The following VEGFB variants were observed in gnomAD, a reference collection of about 807,000 sequenced individuals.
VEGFB encodes vascular endothelial growth factor B.
VEGFB carries 24 observed loss-of-function variants against 22.5 expected under a neutral mutation model. The observed-to-expected ratio is 1.07, with a 90% CI of 0.77 to 1.50. VEGFB has a LOEUF of 1.50. Among genes scored for constraint, VEGFB ranks in the 40% most tolerant of loss-of-function variants. The probability of loss-of-function intolerance (pLI) is 0.00; values close to 1 mark genes in which losing one functional copy is unlikely to be tolerated. For synonymous variants in VEGFB, 141 were observed against 117.4 expected, an observed-to-expected ratio of 1.20 and a Z score of -1.30; for missense variants, 327 against 287.8, an observed-to-expected ratio of 1.14 and a Z score of -0.99.
At chr11:64,237,270 G>C in intron 5 of VEGFB, 48 bp downstream of exon 5, 1 of 1,567,126 alleles carries the variant, frequency 6.4e-7, no homozygotes, top group African/African-American at 1.3e-5. Context: ...GAGTACAAGT[G>C]AGTCCAGAAG....
intron 4 of VEGFB, 30 bp downstream of exon 4, chr11:64,236,357 C>G (rs772756427): frequency 3.1e-6 from 5 of 1,609,090 alleles, no homozygotes; most frequent in Non-Finnish European, 3.4e-6. Flanking sequence ...TCTGAGCTCG[C>G]AGAGGCCAGG....
Position 64,237,549 on chromosome 11 carries a change from C to T in VEGFB, c.540C>T (p.Pro180=). The T allele has an allele frequency of 6.2e-7, 1 of 1,605,612 alleles. No individual in the cohort carries two copies. Among genetic ancestry groups the T allele is most frequent in the Non-Finnish European group, 8.5e-7 (1 of 1,178,500 alleles). Residue 180 remains proline (P), a synonymous_variant, in exon 6 of 7, where the codon CCC becomes CCT. Coordinates refer to ENST00000309422, the MANE Select transcript of VEGFB (RefSeq NM_003377.5). ...CAGGCCCCTCTGCCCACGCTGCACCCAGCACCACCAGCGCCCTGACCCCCG... is the reference window on the plus strand; with the variant it reads ...CAGGCCCCTCTGCCCACGCTGCACCTAGCACCACCAGCGCCCTGACCCCCG... ...PAPGPSAHAA[P]STTSALTPGP...
chr11:64,235,485 G>A lies in VEGFB; in HGVS notation c.88G>A (p.Gly30Ser). The change falls in exon 2 of 7, where the codon GGC becomes AGC. Residue 30 changes from glycine to serine, a missense_variant. Transcript: ENST00000309422. ...CCCTGTCTCCCAGCCTGATGCCCCT[G>A]GCCACCAGAGGAAAGGTAATACTTA... is the stretch of plus-strand genomic sequence containing the variant. ...QAPVSQPDAP[G>S]HQRKVVSWID... is the part of the protein sequence containing the mutation. 1 of 1,613,882 alleles carries A rather than the reference G, an allele frequency of 6.2e-7. No individual in the cohort carries two copies. Among genetic ancestry groups the A allele is most frequent in the East Asian group, 2.2e-5 (1 of 44,886 alleles).
At chr11:64,238,169 CGAG>C (rs1047709801) in intron 6 of VEGFB, among the ~76,000 whole-genome samples, 184 bp from the exon 7 acceptor site, 9 of 152,074 alleles carry the variant, frequency 5.9e-5, no homozygotes, top group Non-Finnish European at 1.5e-5. Flanking sequence ...TGGGGGCTCC[CGAG>C]GAGTGTCAGG....
intron 6 of VEGFB, 118 bp from the exon 7 acceptor site, chr11:64,238,238 G>A (rs2030241335): frequency 2.3e-6 from 3 of 1,318,982 alleles, no homozygotes; most frequent in Non-Finnish European, 3.1e-6. Context: ...CAGTGCCCAG[G>A]GCCGAGTGGT....
In VEGFB at chr11:64,236,240, T is replaced by C; in HGVS notation, c.301-14T>C. The C allele has an allele frequency of 1.2e-6, 2 of 1,613,658 alleles. No homozygotes were observed. Among genetic ancestry groups the C allele is most frequent in the Non-Finnish European group, 1.7e-6 (2 of 1,179,782 alleles). On this transcript the variant is annotated splice_polypyrimidine_tract_variant and intron_variant, in intron 3 of 6. Coordinates refer to ENST00000309422, the MANE Select transcript of VEGFB (RefSeq NM_003377.5). Reference sequence around the variant, plus strand: ...TCTCCCTCACTGTCCCCCCTGTTCTTCTCCTGAGCACAGATCCTCATGATC... The same window carrying C: ...TCTCCCTCACTGTCCCCCCTGTTCTCCTCCTGAGCACAGATCCTCATGATC...
intron 4 of VEGFB, among the ~76,000 whole-genome samples, chr11:64,236,867 T>C (rs1031089205): frequency 6.8e-6 from 1 of 147,786 alleles, no homozygotes; most frequent in African/African-American, 2.5e-5. Context: ...TCACCTGAGG[T>C]AAGGCGTTTG....
At position 64,235,471 on chromosome 11, in the gene VEGFB, A is replaced by G. The variant is rs1223841539; in HGVS notation, c.74A>G (p.Gln25Arg). Reference protein sequence around the residue: ...QLAPAQAPVSQPDAPGHQRKV... With the variant: ...QLAPAQAPVSRPDAPGHQRKV... Reference sequence around the variant, plus strand: ...TCTCTCCCACAGGCCCCTGTCTCCCAGCCTGATGCCCCTGGCCACCAGAGG... The same window carrying G: ...TCTCTCCCACAGGCCCCTGTCTCCCGGCCTGATGCCCCTGGCCACCAGAGG... The change falls in exon 2 of 7, where the codon CAG becomes CGG. Residue 25 changes from glutamine (Q) to arginine (R), a missense_variant. Physicochemically the swap from Gln to Arg is conservative, Grantham distance 43. Transcript: ENST00000309422. The G allele has an allele frequency of 6.2e-7, 1 of 1,613,896 alleles. No homozygotes were observed. Among genetic ancestry groups the G allele is most frequent in the South Asian group, 1.1e-5 (1 of 91,082 alleles).
rs1591082902 is a variant in VEGFB, at chr11:64,238,584, G to C, written c.*251G>C. The C allele has an allele frequency of 1.6e-6, 1 of 630,518 alleles. No homozygotes were observed. The highest frequency in any genetic ancestry group is 2.7e-5 in the East Asian group (1 of 36,590). The allele number at this position is 630,518 out of a possible 1,614,324, so 39.1% of individuals were successfully genotyped here. A position where few individuals can be genotyped will look rare whatever the true frequency, so the allele number is the denominator to read the frequency against. Reference sequence around the variant, plus strand: ...ATCAAACAGGACAGAGTTGGAAGAGGAGACTGGGAGGCAGCAAGAGGGGTC... The same window carrying C: ...ATCAAACAGGACAGAGTTGGAAGAGCAGACTGGGAGGCAGCAAGAGGGGTC... On this transcript the variant is annotated 3_prime_UTR_variant, in exon 7 of 7. Transcript: ENST00000309422.
In VEGFB at chr11:64,237,709, G is replaced by A. The variant is rs577432442; in HGVS notation, c.*22+54G>A. 23 of 1,465,058 alleles carry A rather than the reference G, an allele frequency of 1.6e-5. No homozygotes were observed. In the South Asian group the frequency reaches 1.9e-4, roughly 12 times the overall value. The allele number at this position is 1,465,058 out of a possible 1,614,324, so 90.8% of individuals were successfully genotyped here. A position where few individuals can be genotyped will look rare whatever the true frequency, so the allele number is the denominator to read the frequency against. ...TGGGAAGGCACCAAGGCCCTGTCCT[G>A]GAGCAGGTCCAGGGTGAGCCTGCCA... On this transcript the variant is annotated intron_variant, in intron 6 of 6. Coordinates refer to ENST00000309422, the MANE Select transcript of VEGFB (RefSeq NM_003377.5).
chr11:64,237,586 G>T lies in VEGFB; in HGVS notation c.577G>T (p.Ala193Ser). 6.3e-7 allele frequency: 1 copy of T among 1,596,040 alleles called. No individual in the cohort carries two copies. Residue 193 changes from alanine (A) to serine (S), a missense_variant, in exon 6 of 7, where the codon GCC becomes TCC. Coordinates refer to ENST00000309422, the MANE Select transcript of VEGFB (RefSeq NM_003377.5). ...TSALTPGPAA[A>S]AADAAASSVA... ...CGCCCTGACCCCCGGACCTGCCGCT[G>T]CCGCTGCCGACGCCGCAGCTTCCTC...
At chr11:64,237,969 T>G in intron 6 of VEGFB, 1 of 481,626 alleles carries the variant, frequency 2.1e-6, no homozygotes, top group South Asian at 3.3e-5. Context: ...AGTAGAAATG[T>G]AGGACACAGC....
chr11:64,236,495 C>G (rs1055747647), intron 4 of VEGFB, among the ~76,000 whole-genome samples, 168 bp downstream of exon 4: 2 of 151,040 alleles, frequency 1.3e-5, no homozygotes, highest in African/African-American at 2.4e-5. Flanking sequence ...GCGGGCGGAT[C>G]ATGAGGTCAG....
At position 64,237,511 on chromosome 11, in the gene VEGFB, C is replaced by T. The variant is rs145768483; in HGVS notation, c.502C>T (p.Pro168Ser). 6.5e-5 allele frequency: 104 copies of T among 1,611,978 alleles called. No individual in the cohort carries two copies. In the African/African-American group the frequency reaches 1.1e-3, roughly 18 times the overall value. ...GAPSPADITH[P>S]TPAPGPSAHA... ...ACCCTCCCCAGCTGACATCACCCATCCCACTCCAGCCCCAGGCCCCTCTGC... is the reference window on the plus strand; with the variant it reads ...ACCCTCCCCAGCTGACATCACCCATTCCACTCCAGCCCCAGGCCCCTCTGC... The change falls in exon 6 of 7, where the codon CCC becomes TCC. Residue 168 changes from proline to serine, a missense_variant. By Grantham distance (74) the Pro-to-Ser change is moderately conservative. Transcript: ENST00000309422.
chr11:64,234,853 G>A lies in VEGFB; in HGVS notation c.20G>A (p.Arg7His). The A allele has an allele frequency of 7.8e-7, 1 of 1,283,664 alleles. No individual in the cohort carries two copies. The highest frequency in any genetic ancestry group is 9.9e-7 in the Non-Finnish European group (1 of 1,011,580). 79.5% of individuals were successfully genotyped at this position (1,283,664 alleles called of 1,614,324 possible). The change falls in exon 1 of 7, where the codon CGC becomes CAC. Residue 7 changes from arginine to histidine, a missense_variant. Arg to His is a conservative substitution (Grantham distance 29, BLOSUM62 0). Transcript: ENST00000309422. This position sits in a 1 kb window ranked among gnomAD's most constrained non-coding sequence, Gnocchi z 5.3. ...GGCACCATGAGCCCTCTGCTCCGCCGCCTGCTGCTCGCCGCACTCCTGCAG... is the reference window on the plus strand; with the variant it reads ...GGCACCATGAGCCCTCTGCTCCGCCACCTGCTGCTCGCCGCACTCCTGCAG... MSPLLR[R>H]LLLAALLQLA...
intron 4 of VEGFB, among the ~76,000 whole-genome samples, 192 bp downstream of exon 4, chr11:64,236,519 TC>T (rs67594350): frequency 0.17 from 25,219 of 150,866 alleles, 2,357 homozygotes; most frequent in Admixed American, 0.28. Context: ...ATCGAGACCA[TC>T]CTGGCTAACA....
chr11:64,237,121 G>GAGAGAGAGAGAGAGAGAGACAC (rs2030136014), intron 4 of VEGFB, 66 bp from the exon 5 acceptor site: 1 of 624,244 alleles, frequency 1.6e-6, no homozygotes, highest in Admixed American at 3.2e-5. Flanking sequence ...GAGAGAGAGA[G>GAGAGAGAGAGAGAGAGAGACAC]AGTAGGATGC....
chr11:64,237,949 A>G lies in VEGFB; in HGVS notation c.*22+294A>G, dbSNP rs61761275. The G allele has an allele frequency of 5.2e-3, 2,576 of 491,812 alleles. 17 individuals are homozygous for G. The highest frequency in any genetic ancestry group is 0.026 in the East Asian group (806 of 30,838). The allele number at this position is 491,812 out of a possible 1,614,324, so 30.5% of individuals were successfully genotyped here. ...TCAGAGATCTCTTGGAGGAGGTGAC[A>G]TCTGCCCGGAGTAGAAATGTAGGAC... On this transcript the variant is annotated intron_variant, in intron 6 of 6. Transcript: ENST00000309422.
intron 3 of VEGFB, 73 bp downstream of exon 3, chr11:64,236,082 TGGCTGGCTCTGG>T: frequency 6.6e-7 from 1 of 1,525,262 alleles, no homozygotes; most frequent in South Asian, 1.2e-5. Flanking sequence ...GGGTGGATGC[TGGCTGGCTCTGG>T]GGCTGGGGCA....
Sources: gnomAD v4.1 joint callset for allele counts (sites outside exome capture counted in the v4.1 genomes callset) on GRCh38, gnomAD v4.1.1 for gene constraint, Gnocchi (gnomAD v3.1) non-coding constraint, MANE v1.5 for transcripts, NCBI Gene and HGNC (gene_info 2026-07-23, HGNC 2026-07-21) for gene names.